Variants in UBXN7 observed in about 807,000 individuals in gnomAD.
The protein encoded by UBXN7 is UBX domain protein 7.
In UBXN7, 9 loss-of-function variants were observed where a neutral mutation model predicts 58.0. That is an observed-to-expected ratio of 0.16 (90% CI 0.09 to 0.27). The LOEUF (loss-of-function observed/expected upper bound fraction) is 0.27, where lower values mean the gene tolerates loss of function less well. Ranked by LOEUF, UBXN7 falls within the 10% of genes least tolerant of loss-of-function variation. UBXN7 has a pLI of 1.00. For synonymous variants in UBXN7, 208 were observed against 205.0 expected (o/e 1.01, Z -0.12); for missense variants, 328 against 599.6 (o/e 0.55, Z 4.73).
chr3:196,378,147 G>C (rs557914608), intron 5 of UBXN7, among the ~76,000 whole-genome samples: 42 of 151,960 alleles, frequency 2.8e-4, no homozygotes, highest in African/African-American at 9.9e-4. Context: ...GATTATAAAC[G>C]CTACAATGGC....
At position 196,354,963 on chromosome 3, in the gene UBXN7, C is replaced by G. The variant is rs978852003; in HGVS notation, c.*1722G>C. On this transcript the variant is annotated 3_prime_UTR_variant, in exon 11 of 11. Coordinates refer to ENST00000296328, the MANE Select transcript of UBXN7 (RefSeq NM_015562.2). ...CTCACTGAAGAATAAACAGATTTTT[C>G]CATGATTTCCTTGAGGAGATATAAA... The G allele has an allele frequency of 6.6e-6, 1 of 152,036 alleles. No individual in the cohort carries two copies. Among genetic ancestry groups the G allele is most frequent in the African/African-American group, 2.4e-5 (1 of 41,438 alleles). 9.4% of individuals were successfully genotyped at this position (152,036 alleles called of 1,614,324 possible). A position where few individuals can be genotyped will look rare whatever the true frequency, so the allele number is the denominator to read the frequency against.
At chr3:196,418,224 G>C (rs1458167912) in intron 1 of UBXN7, among the ~76,000 whole-genome samples, 1 of 151,724 alleles carries the variant, frequency 6.6e-6, no homozygotes, top group Non-Finnish European at 1.5e-5. Context: ...GCGACAGCAA[G>C]ACTCCATTGA....
chr3:196,385,935 A>T (rs1729375710), intron 5 of UBXN7, among the ~76,000 whole-genome samples: 1 of 152,170 alleles, frequency 6.6e-6, no homozygotes, highest in Non-Finnish European at 1.5e-5. Context: ...GTCGAATAGA[A>T]GGGGGGGAAA....
At chr3:196,421,648 G>C (rs560013134) in intron 1 of UBXN7, among the ~76,000 whole-genome samples, 1 of 151,880 alleles carries the variant, frequency 6.6e-6, no homozygotes, top group Non-Finnish European at 1.5e-5. Context: ...GTGGTGGCAG[G>C]CGCCTGTAGT....
At chr3:196,402,870 CA>C in intron 3 of UBXN7, 81 bp downstream of exon 3, 1 of 1,460,462 alleles carries the variant, frequency 6.8e-7, no homozygotes, top group South Asian at 1.3e-5. Context: ...AGTCTCCTAG[CA>C]AGCCTTCACA....
At chr3:196,376,545 CAAAAA>C (rs777458391) in intron 5 of UBXN7, among the ~76,000 whole-genome samples, 5 of 50,918 alleles carry the variant, frequency 9.8e-5, no homozygotes, top group East Asian at 1.4e-3. Flanking sequence ...GACTCTGTCT[CAAAAA>C]AAAAAAAAAA....
chr3:196,363,603 G>T (rs1002580750), intron 8 of UBXN7, among the ~76,000 whole-genome samples: 21 of 152,170 alleles, frequency 1.4e-4, no homozygotes, highest in Admixed American at 1.4e-3. Context: ...GTTCTTGAAG[G>T]AAATTAAAAG....
intron 1 of UBXN7, among the ~76,000 whole-genome samples, chr3:196,428,617 G>C (rs890535585): frequency 6.6e-6 from 1 of 151,902 alleles, no homozygotes; most frequent in African/African-American, 2.4e-5. Context: ...TTTCGGCCAG[G>C]TGCAGTGTCC....
chr3:196,417,114 C>A (rs368674235), intron 1 of UBXN7, among the ~76,000 whole-genome samples: 6 of 152,156 alleles, frequency 3.9e-5, no homozygotes, highest in Non-Finnish European at 8.8e-5. Flanking sequence ...GAGATCGAGA[C>A]CATCCTGGCT....
At chr3:196,381,062 C>A (rs1374518335) in intron 5 of UBXN7, among the ~76,000 whole-genome samples, 2 of 152,256 alleles carry the variant, frequency 1.3e-5, no homozygotes, top group Non-Finnish European at 2.9e-5. Context: ...CATAGCTGAA[C>A]AAAAGGCAGC....
chr3:196,376,565 A>AAAAG (rs1186896094), intron 5 of UBXN7, among the ~76,000 whole-genome samples: 3 of 149,848 alleles, frequency 2.0e-5, no homozygotes, highest in Non-Finnish European at 3.0e-5. Context: ...AAAAAAAAAA[A>AAAAG]AAAGAAAAGA....
At chr3:196,377,368 A>G (rs770667264) in intron 5 of UBXN7, among the ~76,000 whole-genome samples, 3 of 152,078 alleles carry the variant, frequency 2.0e-5, no homozygotes, top group Non-Finnish European at 2.9e-5. Flanking sequence ...AGACCTCCCC[A>G]TCGTTCGCAT....
At position 196,362,489 on chromosome 3, in the gene UBXN7, C is replaced by T. The variant is rs1728533026; in HGVS notation, c.1033G>A (p.Ala345Thr). 3 of 1,614,122 alleles carry T rather than the reference C, an allele frequency of 1.9e-6. No homozygotes were observed. Among genetic ancestry groups the T allele is most frequent in the Non-Finnish European group, 1.7e-6 (2 of 1,180,034 alleles). ...TTGTGGGGAGACTTTCTGGACTTGG[C>T]AAGATTCTCTACCTCTTCTTCTTCA... is the stretch of plus-strand genomic sequence containing the variant. ...SDEEEEVENL[A>T]KSRKSPHKDL... is the part of the protein sequence containing the mutation. The change falls in exon 9 of 11, where the codon GCC becomes ACC. Residue 345 changes from alanine to threonine, a missense_variant. Physicochemically the swap from Ala to Thr is moderately conservative, Grantham distance 58. Transcript: ENST00000296328.
chr3:196,376,545 C>CAAAAAAAAAA (rs777458391), intron 5 of UBXN7, among the ~76,000 whole-genome samples: 49 of 50,530 alleles, frequency 9.7e-4, no homozygotes, highest in East Asian at 2.1e-3. Context: ...GACTCTGTCT[C>CAAAAAAAAAA]AAAAAAAAAA....
chr3:196,427,632 A>T (rs936924670), intron 1 of UBXN7, among the ~76,000 whole-genome samples: 1 of 152,176 alleles, frequency 6.6e-6, no homozygotes, highest in Admixed American at 6.5e-5. Flanking sequence ...AAACATTTTT[A>T]AAAATTGCTC....
chr3:196,431,946 G>C (rs1034757212), intron 1 of UBXN7: 1 of 415,896 alleles, frequency 2.4e-6, no homozygotes, highest in Non-Finnish European at 4.6e-6. Context: ...CCGCAGGGCT[G>C]CACAGAGAAG....
At chr3:196,397,240 T>C (rs1231835801) in intron 3 of UBXN7, among the ~76,000 whole-genome samples, 1 of 152,108 alleles carries the variant, frequency 6.6e-6, no homozygotes, top group African/African-American at 2.4e-5. Context: ...GACTAAGCTA[T>C]AAAGAGCTAA....
intron 3 of UBXN7, among the ~76,000 whole-genome samples, chr3:196,394,832 T>C (rs774906214): frequency 1.3e-5 from 2 of 152,138 alleles, no homozygotes; most frequent in Admixed American, 6.6e-5. Flanking sequence ...ACAAAAAACA[T>C]CTTTAATTCT....
chr3:196,392,071 T>A, intron 4 of UBXN7, 146 bp from the exon 5 acceptor site: 2 of 506,426 alleles, frequency 3.9e-6, no homozygotes, highest in Non-Finnish European at 3.4e-6. Context: ...ATGTTGACTC[T>A]GAAAAAAAAA....
Sources: allele counts gnomAD v4.1 joint callset (sites outside exome capture counted in the v4.1 genomes callset), GRCh38; gene constraint gnomAD v4.1.1; transcripts MANE v1.5; gene names NCBI Gene and HGNC (gene_info 2026-07-23, HGNC 2026-07-21).